The following GLE1 variants were observed in gnomAD, a reference collection of about 807,000 sequenced individuals.
The protein encoded by GLE1 is GLE1 RNA export mediator, also known as mRNA export factor GLE1.
Under a neutral mutation model 97.3 loss-of-function variants are expected in GLE1, and 78 were observed. That is an observed-to-expected ratio of 0.80 (90% CI 0.67 to 0.97). GLE1 has a LOEUF of 0.97. GLE1 is among the 50% of genes least tolerant of loss of function. The pLI is 0.00. For missense variants in GLE1, 753 were observed against 857.5 expected (o/e 0.88, Z 1.52); for synonymous variants, 302 against 313.4 (o/e 0.96, Z 0.39).
rs552374884 is a variant in GLE1, at chr9:128,518,156, A to AT, written c.432+2530dup. Among the ~76,000 whole-genome samples, 1,356 of 141,548 alleles carry AT rather than the reference A, an allele frequency of 9.6e-3. 3 individuals are homozygous for AT. The highest frequency in any genetic ancestry group is 0.022 in the South Asian group (98 of 4,494). 92.9% of individuals were successfully genotyped at this position (141,548 alleles called of 152,430 possible). A position where few individuals can be genotyped will look rare whatever the true frequency, so the allele number is the denominator to read the frequency against. The stretch of plus-strand genomic sequence containing the variant: ...TAAAAAAAACTCACGTGCCTGGCCT[A>AT]TTTTTTTTTTTTTCCGTATTCTGTT... On this transcript the variant is annotated intron_variant, in intron 3 of 15. Transcript: ENST00000309971.
chr9:128,533,799 A>G lies in GLE1; in HGVS notation c.1494A>G (p.Ala498=), dbSNP rs369775688. 4 of 1,614,074 alleles carry G rather than the reference A, an allele frequency of 2.5e-6. No homozygotes were observed. The African/African-American group carries it at 4.0e-5, about 16-fold the overall frequency. The change falls in exon 11 of 16, where the codon GCA becomes GCG. Residue 498 remains alanine (A), a synonymous_variant. Transcript: ENST00000309971. ...AGGAAGTGGCCTCTCACCATGAAGCAGCATTCCCCATTGCAGTTGTGGCAT... is the reference window on the plus strand; with the variant it reads ...AGGAAGTGGCCTCTCACCATGAAGCGGCATTCCCCATTGCAGTTGTGGCAT... ...GEEEVASHHE[A]AFPIAVVASG... is the part of the protein sequence containing the mutation.
intron 3 of GLE1, among the ~76,000 whole-genome samples, chr9:128,521,301 A>G (rs866978968): frequency 8.5e-5 from 13 of 152,152 alleles, no homozygotes; most frequent in African/African-American, 2.7e-4. Context: ...TGGGAGGCCA[A>G]AGTGGGAGGA....
intron 5 of GLE1, 108 bp from the exon 6 acceptor site, chr9:128,523,484 G>A: frequency 6.8e-7 from 1 of 1,464,188 alleles, no homozygotes; most frequent in Non-Finnish European, 9.6e-7. Flanking sequence ...TCCTCTTCCT[G>A]CTCTGAGCCC....
In GLE1 at chr9:128,508,856, A is replaced by G; in HGVS notation, c.100-20A>G. 7.3e-7 allele frequency: 1 copy of G among 1,363,138 alleles called. No homozygotes were observed. The highest frequency in any genetic ancestry group is 1.1e-6 in the Non-Finnish European group (1 of 950,866). 84.4% of individuals were successfully genotyped at this position (1,363,138 alleles called of 1,614,324 possible). A position where few individuals can be genotyped will look rare whatever the true frequency, so the allele number is the denominator to read the frequency against. Reference sequence around the variant, plus strand: ...AACAGTTGACGTGTAAGTTGAGCTTAACCCTATTCTTTTCTCTAGGATGTT... The same window carrying G: ...AACAGTTGACGTGTAAGTTGAGCTTGACCCTATTCTTTTCTCTAGGATGTT... On this transcript the variant is annotated intron_variant, in intron 1 of 15. Transcript: ENST00000309971.
At position 128,537,998 on chromosome 9, in the gene GLE1, G is replaced by A. The variant is rs1403033634; in HGVS notation, c.1789G>A (p.Gly597Ser). The A allele has an allele frequency of 5.0e-6, 8 of 1,605,426 alleles. No homozygotes were observed. The highest frequency in any genetic ancestry group is 6.0e-6 in the Non-Finnish European group (7 of 1,172,188). ...TCTCTACTCCCAGATTCACCCTCAT[G>A]GCTTAAATCATGGATGGCGCTGGTT... ...YGNRQEIHPH[G>S]LNHGWRWLAQ... The change falls in exon 13 of 16, where the codon GGC (glycine) becomes AGC (serine). Residue 597 changes from glycine (G) to serine (S), a missense_variant. Physicochemically the swap from Gly to Ser is moderately conservative, Grantham distance 56. Coordinates refer to ENST00000309971, the MANE Select transcript of GLE1 (RefSeq NM_001003722.2).
At chr9:128,526,679 T>G (rs1310096509) in intron 7 of GLE1, among the ~76,000 whole-genome samples, 8 of 152,014 alleles carry the variant, frequency 5.3e-5, no homozygotes, top group East Asian at 1.9e-4. Context: ...TTTGTTTTTT[T>G]TTTGAGATAG....
At chr9:128,522,964 A>G in intron 4 of GLE1, 148 bp downstream of exon 4, 1 of 1,017,452 alleles carries the variant, frequency 9.8e-7, no homozygotes, top group East Asian at 2.6e-5. Context: ...ACCTGGAAAA[A>G]AGACCAAACT....
chr9:128,512,910 A>G (rs1046326964), intron 2 of GLE1, among the ~76,000 whole-genome samples: 1 of 152,164 alleles, frequency 6.6e-6, no homozygotes, highest in Admixed American at 6.5e-5. Flanking sequence ...TGGCCTCCCA[A>G]CATGCTGGGA....
At chr9:128,514,427 G>T (rs1374270592) in intron 2 of GLE1, among the ~76,000 whole-genome samples, 1 of 149,928 alleles carries the variant, frequency 6.7e-6, no homozygotes, top group African/African-American at 2.4e-5. Context: ...TCCATACTGG[G>T]TGTAGGAGGA....
At chr9:128,539,553 G>C in intron 13 of GLE1, 63 bp from the exon 14 acceptor site, 6 of 1,382,656 alleles carry the variant, frequency 4.3e-6, no homozygotes, top group Non-Finnish European at 6.2e-6. Flanking sequence ...TGTGCTTTAT[G>C]AATCTGTCCT....
rs374673335 is a variant in GLE1, at chr9:128,515,604, C to T, written c.397C>T (p.Arg133Ter). 33 of 1,600,504 alleles carry T rather than the reference C, an allele frequency of 2.1e-5. No individual in the cohort carries two copies. Among genetic ancestry groups the T allele is most frequent in the Non-Finnish European group, 2.6e-5 (30 of 1,167,740 alleles). The change falls in exon 3 of 16, where the codon CGA becomes TGA. Residue 133 changes from arginine to a stop codon, truncating the protein, a stop_gained. Coordinates refer to ENST00000309971, the MANE Select transcript of GLE1 (RefSeq NM_001003722.2). LOFTEE classifies it high-confidence loss of function. ...SRGIKVEGCVRMYELVHRMKG... is the reference protein window; with the variant it reads ...SRGIKVEGCV ...GGGGATCAAAGTGGAAGGCTGCGTC[C>T]GAATGTACGAACTGGTACACAGAAT...
chr9:128,518,280 G>T (rs1477644566), intron 3 of GLE1, among the ~76,000 whole-genome samples: 1 of 152,108 alleles, frequency 6.6e-6, no homozygotes. Flanking sequence ...ACAGCACAGG[G>T]CCGGGCCTGT....
chr9:128,505,988 A>G (rs188300408), intron 1 of GLE1, among the ~76,000 whole-genome samples: 3 of 152,260 alleles, frequency 2.0e-5, no homozygotes, highest in Admixed American at 1.3e-4. Context: ...GTTGTAATCC[A>G]TTACTTTTAT....
rs757998854 is a variant in GLE1, at chr9:128,539,608, C to G, written c.1882-8C>G. ...TTCTGCTCTGACAGTGCCTGTCTTT[C>G]CCTCTAGGTGTGTGGGAATGCCCTC... On this transcript the variant is annotated splice_region_variant and splice_polypyrimidine_tract_variant and intron_variant, in intron 13 of 15. Transcript: ENST00000309971. 134 of 1,609,904 alleles carry G rather than the reference C, an allele frequency of 8.3e-5. No homozygotes were observed. The highest frequency in any genetic ancestry group is 1.1e-4 in the Non-Finnish European group (130 of 1,176,340).
At chr9:128,519,099 T>C (rs1340609482) in intron 3 of GLE1, among the ~76,000 whole-genome samples, 1 of 152,244 alleles carries the variant, frequency 6.6e-6, no homozygotes, top group Non-Finnish European at 1.5e-5. Flanking sequence ...TGTGATTTCC[T>C]ATGCCTGTCT....
intron 3 of GLE1, among the ~76,000 whole-genome samples, chr9:128,518,089 C>A (rs540749128): frequency 2.6e-5 from 4 of 151,986 alleles, no homozygotes; most frequent in Non-Finnish European, 5.9e-5. Context: ...AATACTAGTT[C>A]CCATACTGAT....
intron 1 of GLE1, 99 bp from the exon 2 acceptor site, chr9:128,508,777 A>G (rs950188082): frequency 2.6e-6 from 2 of 774,158 alleles, no homozygotes; most frequent in Non-Finnish European, 2.3e-6. Flanking sequence ...TTTGATGTTT[A>G]TTTATTTAGG....
In GLE1 at chr9:128,533,612, A is replaced by G; in HGVS notation, c.1412A>G (p.Gln471Arg). 1 of 1,614,094 alleles carries G rather than the reference A, an allele frequency of 6.2e-7. No homozygotes were observed. Among genetic ancestry groups the G allele is most frequent in the Non-Finnish European group, 8.5e-7 (1 of 1,179,978 alleles). The change falls in exon 10 of 16, where the codon CAG becomes CGG. Residue 471 changes from glutamine to arginine, a missense_variant. Transcript: ENST00000309971. ...TCTGTGTCTGTCACACTTAACCCAC[A>G]GGGGCTGGACTTTGTTCAATACAAA... Reference protein sequence around the residue: ...GRSVSVTLNPQGLDFVQYKLA... With the variant: ...GRSVSVTLNPRGLDFVQYKLA...
At position 128,541,364 on chromosome 9, in the gene GLE1, G is replaced by C; in HGVS notation, c.*194G>C. On this transcript the variant is annotated 3_prime_UTR_variant, in exon 16 of 16. Transcript: ENST00000309971. ...TCTTGGAGGTCCCTTAGTAGATTTG[G>C]TAGTTCCTTAAGAGATCCACGTGAT... 1.7e-6 allele frequency: 1 copy of C among 605,260 alleles called. No individual in the cohort carries two copies. Among genetic ancestry groups the C allele is most frequent in the East Asian group, 2.8e-5 (1 of 35,976 alleles). The allele number at this position is 605,260 out of a possible 1,614,324, so 37.5% of individuals were successfully genotyped here.
Sources: allele counts gnomAD v4.1 joint callset (sites outside exome capture counted in the v4.1 genomes callset), GRCh38; gene constraint gnomAD v4.1.1; transcripts MANE v1.5; gene names NCBI Gene and HGNC (gene_info 2026-07-23, HGNC 2026-07-21).